Variants in NTM observed in about 807,000 individuals in gnomAD.
The protein encoded by NTM is IgLON family member 2.
Under a neutral mutation model 42.1 loss-of-function variants are expected in NTM, and 13 were observed. The observed-to-expected ratio is 0.31, with a 90% CI of 0.20 to 0.49. The LOEUF is 0.49. NTM is among the 20% of genes least tolerant of loss of function. The probability of loss-of-function intolerance (pLI) is 0.99; values close to 1 mark genes in which losing one functional copy is unlikely to be tolerated. For missense variants in NTM, 373 were observed against 452.8 expected (o/e 0.82, Z 1.60); for synonymous variants, 187 against 179.2 (o/e 1.04, Z -0.35).
intron 1 of NTM, among the ~76,000 whole-genome samples, chr11:131,424,600 C>CTTTTCTTTTCTTTTTTTTTTTTTTTT (rs1555108116): frequency 1.8e-5 from 1 of 56,054 alleles, no homozygotes; most frequent in African/African-American, 7.3e-5. Flanking sequence ...CTTTTCTTTT[C>CTTTTCTTTTCTTTTTTTTTTTTTTTT]TTTTTTTTTT....
chr11:131,867,599 C>T (rs1452356584), intron 1 of NTM, among the ~76,000 whole-genome samples: 1 of 150,688 alleles, frequency 6.6e-6, no homozygotes, highest in Non-Finnish European at 1.5e-5. Context: ...TGTACACATA[C>T]CTGTGTGTGT....
intron 1 of NTM, among the ~76,000 whole-genome samples, chr11:131,532,909 A>G (rs567660761): frequency 4.6e-5 from 7 of 151,066 alleles, no homozygotes; most frequent in Non-Finnish European, 1.0e-4. Flanking sequence ...CCTCTTTTTT[A>G]AGTTGAGTTT....
rs60443358 is a variant in NTM, at chr11:131,672,909, C to T, written c.83-238655C>T. On this transcript the variant is annotated intron_variant, in intron 1 of 8. Coordinates refer to ENST00000683400, the MANE Select transcript of NTM (RefSeq NM_001352005.2). ...CTTACAACAGAGAAGACCACGGTGC[C>T]GGGGTGGGGGTGGGGTGTGACCGTG... 6.6e-3 allele frequency among the ~76,000 whole-genome samples: 201 copies of T among 30,450 alleles called. 21 individuals carry two copies. Among genetic ancestry groups the T allele is most frequent in the African/African-American group, 0.032 (193 of 6,082 alleles). The allele number at this position is 30,450 out of a possible 152,430, so 20.0% of individuals were successfully genotyped here.
chr11:132,136,810 C>T (rs773704306), intron 2 of NTM, among the ~76,000 whole-genome samples: 4 of 151,992 alleles, frequency 2.6e-5, no homozygotes, highest in Non-Finnish European at 5.9e-5. Context: ...GGATCCAGGT[C>T]GGATTCTGGG....
intron 1 of NTM, among the ~76,000 whole-genome samples, chr11:131,744,854 C>T (rs1360763819): frequency 1.3e-5 from 2 of 152,150 alleles, no homozygotes; most frequent in East Asian, 1.9e-4. Context: ...CCCACCACAC[C>T]GGTGTGTCAG....
intron 1 of NTM, among the ~76,000 whole-genome samples, chr11:131,387,485 A>G (rs1027659988): frequency 6.6e-6 from 1 of 152,230 alleles, no homozygotes; most frequent in Non-Finnish European, 1.5e-5. Context: ...GTACATTCCC[A>G]TCTTAGTTAT....
chr11:132,154,305 A>G (rs2072672870), intron 3 of NTM, among the ~76,000 whole-genome samples: 1 of 152,362 alleles, frequency 6.6e-6, no homozygotes, highest in Admixed American at 6.5e-5. Context: ...AAAGAACATG[A>G]CAAACACCTA....
At chr11:131,958,789 C>G in intron 2 of NTM, among the ~76,000 whole-genome samples, 1 of 152,264 alleles carries the variant, frequency 6.6e-6, no homozygotes. Context: ...ACTACTCTCG[C>G]GAGTTCTTGC....
At chr11:131,727,094 C>T (rs1231595961) in intron 1 of NTM, among the ~76,000 whole-genome samples, 1 of 151,314 alleles carries the variant, frequency 6.6e-6, no homozygotes, top group Non-Finnish European at 1.5e-5. Flanking sequence ...TGCCTCCTAA[C>T]ACTTCTTCCT....
intron 1 of NTM, among the ~76,000 whole-genome samples, chr11:131,743,960 A>T (rs925172808): frequency 1.3e-5 from 2 of 152,208 alleles, no homozygotes; most frequent in African/African-American, 4.8e-5. Flanking sequence ...TGATACCAAT[A>T]ATCTATCATC....
intron 2 of NTM, among the ~76,000 whole-genome samples, chr11:131,995,766 C>T (rs2067889816): frequency 6.6e-6 from 1 of 151,828 alleles, no homozygotes; most frequent in South Asian, 2.1e-4. Context: ...GTGTCATCAG[C>T]CCAGGAGACA....
chr11:132,204,606 C>T (rs2081673047), intron 3 of NTM, among the ~76,000 whole-genome samples: 1 of 152,068 alleles, frequency 6.6e-6, no homozygotes, highest in Non-Finnish European at 1.5e-5. Context: ...AGGATGGAGT[C>T]AAAGGTGGGC....
At chr11:131,828,986 C>G (rs2042475888) in intron 1 of NTM, among the ~76,000 whole-genome samples, 1 of 151,974 alleles carries the variant, frequency 6.6e-6, no homozygotes, top group South Asian at 2.1e-4. Flanking sequence ...CTCTCTCTCT[C>G]TCTGTCTCTC....
chr11:131,445,350 T>C (rs1949974501), intron 1 of NTM, among the ~76,000 whole-genome samples: 1 of 152,182 alleles, frequency 6.6e-6, no homozygotes, highest in African/African-American at 2.4e-5. Context: ...TTAGTTCTCA[T>C]TGGTCACCTT....
intron 1 of NTM, among the ~76,000 whole-genome samples, chr11:131,851,744 G>A (rs2045581026): frequency 6.6e-6 from 1 of 152,060 alleles, no homozygotes; most frequent in South Asian, 2.1e-4. Context: ...CTGCTTGAGG[G>A]TAGGAACCAT....
At chr11:131,996,808 A>AGTGT (rs2135208337) in intron 2 of NTM, among the ~76,000 whole-genome samples, 1 of 152,132 alleles carries the variant, frequency 6.6e-6, no homozygotes, top group South Asian at 2.1e-4. Context: ...GCTCCCTGGG[A>AGTGT]GTGTGTTTAT....
At chr11:131,622,562 T>C (rs1444277560) in intron 1 of NTM, among the ~76,000 whole-genome samples, 1 of 152,238 alleles carries the variant, frequency 6.6e-6, no homozygotes, top group Non-Finnish European at 1.5e-5. Flanking sequence ...TTAACCACTA[T>C]TTGGTAGCCA....
At chr11:131,718,152 T>C (rs2077922116) in intron 1 of NTM, among the ~76,000 whole-genome samples, 1 of 152,162 alleles carries the variant, frequency 6.6e-6, no homozygotes, top group South Asian at 2.1e-4. Context: ...TTATGGAAAA[T>C]AATGGTCTGT....
intron 4 of NTM, among the ~76,000 whole-genome samples, chr11:132,226,686 A>T (rs2086370906): frequency 6.6e-6 from 1 of 152,308 alleles, no homozygotes; most frequent in Non-Finnish European, 1.5e-5. Flanking sequence ...GCATAAAGGT[A>T]TGCCAGTTAG....
Sources: gnomAD v4.1 joint callset for allele counts (sites outside exome capture counted in the v4.1 genomes callset) on GRCh38, gnomAD v4.1.1 for gene constraint, MANE v1.5 for transcripts, NCBI Gene and HGNC (gene_info 2026-07-23, HGNC 2026-07-21) for gene names.